MED24: variants seen among roughly 807,000 people sequenced by gnomAD.
The protein encoded by MED24 is mediator complex subunit 24, also known as mediator of RNA polymerase II transcription subunit 24.
Under a neutral mutation model 118.8 loss-of-function variants are expected in MED24, and 74 were observed. The ratio of observed to expected loss-of-function variants is 0.62; its 90% confidence interval spans 0.52 to 0.76. MED24 has a LOEUF of 0.76. Ranked by LOEUF, MED24 falls within the 30% of genes least tolerant of loss-of-function variation. The pLI, the probability that MED24 is intolerant of heterozygous loss-of-function variation, is 0.00. For missense variants in MED24, 1,041 were observed against 1,278.9 expected (o/e 0.81, Z 2.84); for synonymous variants, 521 against 523.9 (o/e 0.99, Z 0.08).
At chr17:40,036,277 C>T in intron 3 of MED24, 123 bp from the exon 4 acceptor site, 1 of 912,902 alleles carries the variant, frequency 1.1e-6, no homozygotes, top group East Asian at 2.5e-5. Context: ...AGGCCCTCTT[C>T]AACCCAAGCA....
Position 40,019,733 on chromosome 17 carries a change from G to C in MED24, c.2853+52C>G, listed in dbSNP as rs1981712589. The C allele has an allele frequency of 2.5e-6, 4 of 1,601,946 alleles. No homozygotes were observed. In the East Asian group the frequency reaches 8.9e-5, roughly 36 times the overall value. On this transcript the variant is annotated intron_variant, in intron 25 of 25. Coordinates refer to ENST00000394128, the MANE Select transcript of MED24 (RefSeq NM_014815.4). ...GAAGGAGGCCCCTCCCTGCTCTAAG[G>C]GCTGCCCCGAGGCCCCAGCACCAGC... is the stretch of plus-strand genomic sequence containing the variant.
chr17:40,048,815 A>G (rs1985515803), intron 3 of MED24, among the ~76,000 whole-genome samples: 1 of 152,134 alleles, frequency 6.6e-6, no homozygotes, highest in Non-Finnish European at 1.5e-5. Flanking sequence ...TCAGCCTCCC[A>G]AAGTGCTGGG....
At chr17:40,038,364 G>A (rs146731252) in intron 3 of MED24, among the ~76,000 whole-genome samples, 13 of 152,136 alleles carry the variant, frequency 8.5e-5, no homozygotes, top group African/African-American at 3.1e-4. Context: ...TCATAAGACT[G>A]GATATCTAGT....
intron 10 of MED24, 148 bp downstream of exon 10, chr17:40,031,895 T>C (rs947131013): frequency 1.3e-5 from 12 of 956,678 alleles, no homozygotes; most frequent in Non-Finnish European, 1.8e-5. Flanking sequence ...TGCTGAAGCA[T>C]GCACATTGTG....
intron 3 of MED24, among the ~76,000 whole-genome samples, chr17:40,040,270 A>C (rs992561995): frequency 2.0e-5 from 3 of 149,336 alleles, no homozygotes; most frequent in Non-Finnish European, 4.5e-5. Context: ...GTAGAGATGG[A>C]GTTTCACTCT....
chr17:40,037,982 A>T (rs1244735160), intron 3 of MED24, among the ~76,000 whole-genome samples: 1 of 152,124 alleles, frequency 6.6e-6, no homozygotes, highest in Non-Finnish European at 1.5e-5. Context: ...GAAACACTGG[A>T]TTAAACATAT....
At chr17:40,046,603 G>A (rs1188577571) in intron 3 of MED24, among the ~76,000 whole-genome samples, 1 of 150,132 alleles carries the variant, frequency 6.7e-6, no homozygotes, top group South Asian at 2.1e-4. Flanking sequence ...AAAATTAGCC[G>A]GGCGTAGTGG....
intron 3 of MED24, among the ~76,000 whole-genome samples, chr17:40,045,788 T>A (rs1033005800): frequency 6.6e-6 from 1 of 151,576 alleles, no homozygotes; most frequent in South Asian, 2.1e-4. Context: ...ACACATTTTG[T>A]TTTTTTTGAG....
intron 3 of MED24, among the ~76,000 whole-genome samples, chr17:40,036,582 G>C: frequency 6.6e-6 from 1 of 151,910 alleles, no homozygotes; most frequent in South Asian, 2.1e-4. Context: ...CAGCTACTCA[G>C]GAGGCTGAGG....
chr17:40,037,017 C>T (rs1041113887), intron 3 of MED24, among the ~76,000 whole-genome samples: 4 of 151,972 alleles, frequency 2.6e-5, no homozygotes, highest in African/African-American at 9.7e-5. Flanking sequence ...CCTGTCTCTA[C>T]TAAAAATACA....
At chr17:40,037,749 A>C (rs1984111265) in intron 3 of MED24, among the ~76,000 whole-genome samples, 1 of 152,084 alleles carries the variant, frequency 6.6e-6, no homozygotes, top group Non-Finnish European at 1.5e-5. Context: ...GTCTCTACTA[A>C]TAATACAAAA....
rs749117410 is a variant in MED24, at chr17:40,027,425, G to A, written c.1488C>T (p.Ser496=). 1.9e-6 allele frequency: 3 copies of A among 1,613,660 alleles called. No individual in the cohort carries two copies. The highest frequency in any genetic ancestry group is 2.5e-6 in the Non-Finnish European group (3 of 1,179,846). Reference sequence around the variant, plus strand: ...GGGCCACATGGCACAGCATGAGGAAGGAGATGTCAAACAGCAGGGCCCGGA... The same window carrying A: ...GGGCCACATGGCACAGCATGAGGAAAGAGATGTCAAACAGCAGGGCCCGGA... ...ASVRALLFDI[S]FLMLCHVAQT... Residue 496 remains serine, a synonymous_variant, in exon 16 of 26, where the codon TCC becomes TCT. Transcript: ENST00000394128.
chr17:40,043,084 G>A (rs1984729899), intron 3 of MED24, among the ~76,000 whole-genome samples: 1 of 152,206 alleles, frequency 6.6e-6, no homozygotes, highest in South Asian at 2.1e-4. Flanking sequence ...CCGAGTAGCT[G>A]GGATTACAGA....
rs201362751 is a variant in MED24 at position 40,030,589 on chromosome 17, G to A, written c.1154+570C>T. On this transcript the variant is annotated intron_variant, in intron 12 of 25. Coordinates refer to ENST00000394128, the MANE Select transcript of MED24 (RefSeq NM_014815.4). Reference sequence around the variant, plus strand: ...ATTACAGGTGTGAGCCACCGCAGCCGGCCTATCATTAGTCTTAAATGCTCT... The same window carrying A: ...ATTACAGGTGTGAGCCACCGCAGCCAGCCTATCATTAGTCTTAAATGCTCT... Among the ~76,000 whole-genome samples the A allele has an allele frequency of 9.9e-5, 15 of 152,186 alleles. No individual in the cohort carries two copies. In the East Asian group the frequency reaches 1.3e-3, roughly 14 times the overall value.
In MED24 at chr17:40,022,066, G is replaced by T. The variant is rs1452819466; in HGVS notation, c.2524-12C>A. On this transcript the variant is annotated splice_polypyrimidine_tract_variant and intron_variant, in intron 22 of 25. Coordinates refer to ENST00000394128, the MANE Select transcript of MED24 (RefSeq NM_014815.4). ...AGGCTGATATAATCCTAGAGGGAGTGAAAGTCACTGTTATACACCCCTAAA... is the reference window on the plus strand; with the variant it reads ...AGGCTGATATAATCCTAGAGGGAGTTAAAGTCACTGTTATACACCCCTAAA... The T allele has an allele frequency of 4.4e-6, 7 of 1,577,204 alleles. No homozygotes were observed. The highest frequency in any genetic ancestry group is 6.0e-6 in the Non-Finnish European group (7 of 1,157,942).
chr17:40,053,057 T>G (rs1986012171), intron 3 of MED24, among the ~76,000 whole-genome samples: 1 of 152,152 alleles, frequency 6.6e-6, no homozygotes. Context: ...ACCTCAGCCT[T>G]CCAAGTAGCT....
At chr17:40,043,916 A>G (rs1359235544) in intron 3 of MED24, among the ~76,000 whole-genome samples, 3 of 150,788 alleles carry the variant, frequency 2.0e-5, no homozygotes, top group Non-Finnish European at 4.4e-5. Flanking sequence ...AAAGATTTAA[A>G]TATTAGGTTC....
chr17:40,029,687 C>T (rs1983141098), intron 13 of MED24, 61 bp downstream of exon 13: 1 of 1,462,974 alleles, frequency 6.8e-7, no homozygotes, highest in Non-Finnish European at 9.6e-7. Context: ...TATCTGCAAG[C>T]AGATGGAGCA....
chr17:40,022,413 CTCT>C lies in MED24; in HGVS notation c.2501_2503del (p.Lys834del), dbSNP rs1356448235. On this transcript the variant is annotated inframe_deletion, in exon 22 of 26. Coordinates refer to ENST00000394128, the MANE Select transcript of MED24 (RefSeq NM_014815.4). Reference sequence around the variant, plus strand: ...GCCTACCTCAATGTCTTCGCGGTGTCTCTTCTTCTGGCGGGTGGACGCCTGTCC... The same window carrying C: ...GCCTACCTCAATGTCTTCGCGGTGTCTCTTCTGGCGGGTGGACGCCTGTCC... 3 of 1,610,610 alleles carry C rather than the reference CTCT, an allele frequency of 1.9e-6. No individual in the cohort carries two copies. The highest frequency in any genetic ancestry group is 1.3e-5 in the African/African-American group (1 of 74,908).
Sources: gnomAD v4.1 joint callset for allele counts (sites outside exome capture counted in the v4.1 genomes callset) on GRCh38, gnomAD v4.1.1 for gene constraint, MANE v1.5 for transcripts, NCBI Gene and HGNC (gene_info 2026-07-23, HGNC 2026-07-21) for gene names.